Variants in ASZ1 observed in about 807,000 individuals in gnomAD.
ASZ1 encodes the protein ankyrin repeat, SAM and basic leucine zipper domain-containing protein 1.
ASZ1 carries 67 observed loss-of-function variants against 61.8 expected under a neutral mutation model. The ratio of observed to expected loss-of-function variants is 1.08; its 90% confidence interval spans 0.89 to 1.33. ASZ1 has a LOEUF of 1.33. Among genes scored for constraint, ASZ1 ranks in the 40% most tolerant of loss-of-function variants. ASZ1 has a pLI of 0.00. For synonymous variants in ASZ1, 193 were observed against 192.7 expected, an observed-to-expected ratio of 1.00 and a Z score of -0.01; for missense variants, 577 against 554.5, an observed-to-expected ratio of 1.04 and a Z score of -0.41.
chr7:117,365,716 T>C (rs945451531), intron 12 of ASZ1, among the ~76,000 whole-genome samples: 1 of 152,204 alleles, frequency 6.6e-6, no homozygotes, highest in African/African-American at 2.4e-5. Context: ...TGAGATATAA[T>C]TTTTGGGTCA....
intron 4 of ASZ1, among the ~76,000 whole-genome samples, chr7:117,387,052 C>G (rs1311915114): frequency 6.6e-6 from 1 of 150,860 alleles, no homozygotes; most frequent in Non-Finnish European, 1.5e-5. Flanking sequence ...TGTAATCTTA[C>G]CACTTGGGGG....
Position 117,427,400 on chromosome 7 carries a change from C to T in ASZ1, c.61G>A (p.Glu21Lys). Residue 21 changes from glutamate to lysine, a missense_variant, in exon 1 of 13, where the codon GAG becomes AAG. Glu to Lys is a moderately conservative substitution (Grantham distance 56). Transcript: ENST00000284629. The part of the protein sequence containing the change: ...VAGGGESSES[E>K]DDGWEIGYLD... ...TACCCAATCTCCCAGCCATCATCCT[C>T]GCTCTCGCTACTCTCGCCTCCGCCA... 2 of 1,614,212 alleles carry T rather than the reference C, an allele frequency of 1.2e-6. No homozygotes were observed. Among genetic ancestry groups the T allele is most frequent in the South Asian group, 1.1e-5 (1 of 91,092 alleles).
At chr7:117,424,061 G>A (rs2116542853) in intron 2 of ASZ1, among the ~76,000 whole-genome samples, 1 of 152,158 alleles carries the variant, frequency 6.6e-6, no homozygotes, top group Admixed American at 6.5e-5. Flanking sequence ...ATACTATATT[G>A]TTTAGGGACA....
chr7:117,417,201 T>C (rs941065995), intron 4 of ASZ1, among the ~76,000 whole-genome samples: 2 of 152,150 alleles, frequency 1.3e-5, no homozygotes, highest in African/African-American at 4.8e-5. Flanking sequence ...AAAAAAAAGT[T>C]AGAAGCCAAC....
At chr7:117,402,265 T>C (rs1420383719) in intron 4 of ASZ1, among the ~76,000 whole-genome samples, 1 of 152,164 alleles carries the variant, frequency 6.6e-6, no homozygotes, top group Non-Finnish European at 1.5e-5. Context: ...AGCCTAATGT[T>C]GCAAGTATGT....
In ASZ1 at chr7:117,385,776, T is replaced by C. The variant is rs370917484; in HGVS notation, c.474A>G (p.Arg158=). The part of the protein sequence containing the change: ...RLMTPIMYAA[R]DGHTQVVALL... Reference sequence around the variant, plus strand: ...GAGCAACAACCTGGGTGTGACCATCTCGAGCAGCATACATGATTGGGGTCA... The same window carrying C: ...GAGCAACAACCTGGGTGTGACCATCCCGAGCAGCATACATGATTGGGGTCA... Residue 158 remains arginine, a synonymous_variant, in exon 5 of 13, where the codon CGA becomes CGG. Transcript: ENST00000284629. 2 of 1,613,494 alleles carry C rather than the reference T, an allele frequency of 1.2e-6. No homozygotes were observed. The highest frequency in any genetic ancestry group is 2.7e-5 in the African/African-American group (2 of 74,900).
intron 4 of ASZ1, among the ~76,000 whole-genome samples, chr7:117,394,498 A>C (rs1266224524): frequency 1.3e-5 from 2 of 152,156 alleles, no homozygotes; most frequent in Admixed American, 1.3e-4. Flanking sequence ...ATGTGTCTAC[A>C]TATTTTAATT....
chr7:117,401,634 C>T (rs550244983), intron 4 of ASZ1, among the ~76,000 whole-genome samples: 1 of 152,182 alleles, frequency 6.6e-6, no homozygotes, highest in Non-Finnish European at 1.5e-5. Context: ...AAAATTGCTA[C>T]CATTTGTAAA....
intron 8 of ASZ1, 48 bp downstream of exon 8, chr7:117,382,021 C>A (rs773865053): frequency 5.8e-6 from 7 of 1,201,560 alleles, no homozygotes; most frequent in Non-Finnish European, 7.3e-6. Flanking sequence ...TATTAACCAA[C>A]AAATTAACAT....
intron 4 of ASZ1, among the ~76,000 whole-genome samples, chr7:117,398,134 AAT>A: frequency 6.6e-6 from 1 of 152,170 alleles, no homozygotes; most frequent in Non-Finnish European, 1.5e-5. Context: ...GATCTTTTTT[AAT>A]CTGCTTAAAA....
chr7:117,402,940 AGTTTGTGAGG>A lies in ASZ1; in HGVS notation c.441-17141_441-17132del. Among the ~76,000 whole-genome samples, 10 of 105,538 alleles carry A rather than the reference AGTTTGTGAGG, an allele frequency of 9.5e-5. No homozygotes were observed. In the Admixed American group the frequency reaches 1.1e-3, roughly 12 times the overall value. 69.2% of individuals were successfully genotyped at this position (105,538 alleles called of 152,430 possible). On this transcript the variant is annotated intron_variant, in intron 4 of 12. Coordinates refer to ENST00000284629, the MANE Select transcript of ASZ1 (RefSeq NM_130768.3). ...ATTACTAACCCAAAGGTGGGGCTGC[AGTTTGTGAGG>A]TAGAAAAAGACTTAGCATGATATCA...
chr7:117,393,326 C>G (rs149713591), intron 4 of ASZ1, among the ~76,000 whole-genome samples: 84 of 152,108 alleles, frequency 5.5e-4, no homozygotes, highest in Non-Finnish European at 1.0e-3. Context: ...ATCTGTTTTT[C>G]TAAGAGATAT....
intron 8 of ASZ1, 141 bp downstream of exon 8, chr7:117,381,928 A>C (rs901315609): frequency 1.7e-6 from 1 of 602,006 alleles, no homozygotes; most frequent in Non-Finnish European, 3.0e-6. Context: ...CACAAATTTA[A>C]AATTGGGATG....
chr7:117,379,168 T>TATATATATATATATAC (rs1161457624), intron 10 of ASZ1, among the ~76,000 whole-genome samples: 1 of 69,722 alleles, frequency 1.4e-5, no homozygotes. Context: ...TATATATATA[T>TATATATATATATATAC]ACACACACAC....
At chr7:117,414,156 TGAGA>T (rs544558300) in intron 4 of ASZ1, among the ~76,000 whole-genome samples, 2 of 152,254 alleles carry the variant, frequency 1.3e-5, no homozygotes, top group African/African-American at 4.8e-5. Flanking sequence ...AAACGATAGA[TGAGA>T]GATTTTCTAG....
At chr7:117,412,030 G>C (rs372371225) in intron 4 of ASZ1, among the ~76,000 whole-genome samples, 1 of 145,128 alleles carries the variant, frequency 6.9e-6, no homozygotes, top group Non-Finnish European at 1.5e-5. Flanking sequence ...TCCCAAACAA[G>C]TGAAAAGAAG....
rs142166886 is a variant in ASZ1 at position 117,381,052 on chromosome 7, A to T, written c.904T>A (p.Leu302Ile). Residue 302 changes from leucine to isoleucine, a missense_variant, in exon 9 of 13, where the codon TTA (leucine) becomes ATA (isoleucine). Leu to Ile is a conservative substitution (Grantham distance 5). Coordinates refer to ENST00000284629, the MANE Select transcript of ASZ1 (RefSeq NM_130768.3). ...TCCCTCATGGTCAAAAGATGTCTTAACGTTATATCCCTTTCCTGTATAAAA... is the reference window on the plus strand; with the variant it reads ...TCCCTCATGGTCAAAAGATGTCTTATCGTTATATCCCTTTCCTGTATAAAA... Reference protein sequence around the residue: ...TDLLKERDITLRHLLTMREDE... With the variant: ...TDLLKERDITIRHLLTMREDE... The T allele has an allele frequency of 1.6e-4, 259 of 1,597,622 alleles. No individual in the cohort carries two copies. In the African/African-American group the frequency reaches 3.1e-3, roughly 19 times the overall value.
chr7:117,421,430 A>T (rs1450912555), intron 3 of ASZ1, among the ~76,000 whole-genome samples: 1 of 152,090 alleles, frequency 6.6e-6, no homozygotes, highest in Non-Finnish European at 1.5e-5. Flanking sequence ...GTCCAGGCTG[A>T]TCTTGAACTC....
chr7:117,411,505 A>C (rs1796888787), intron 4 of ASZ1, among the ~76,000 whole-genome samples: 1 of 151,890 alleles, frequency 6.6e-6, no homozygotes, highest in East Asian at 1.9e-4. Context: ...TGCCAAAAAC[A>C]AAATGGATAC....
Sources: allele counts gnomAD v4.1 joint callset (sites outside exome capture counted in the v4.1 genomes callset), GRCh38; gene constraint gnomAD v4.1.1; transcripts MANE v1.5; gene names NCBI Gene and HGNC (gene_info 2026-07-23, HGNC 2026-07-21).